DNAH12: variants seen among roughly 807,000 people sequenced by gnomAD.
DNAH12 encodes the protein dynein axonemal heavy chain 12, also known as axonemal beta dynein heavy chain 12.
In DNAH12, 285 loss-of-function variants were observed where a neutral mutation model predicts 371.5. The observed-to-expected ratio is 0.77, with a 90% CI of 0.70 to 0.85. The LOEUF (loss-of-function observed/expected upper bound fraction) is 0.85, where lower values mean the gene tolerates loss of function less well. Ranked by LOEUF, DNAH12 falls within the 40% of genes least tolerant of loss-of-function variation. The probability of loss-of-function intolerance (pLI) is 0.00; values close to 1 mark genes in which losing one functional copy is unlikely to be tolerated. For missense variants in DNAH12, 3,611 were observed against 3,689.4 expected, an observed-to-expected ratio of 0.98 and a Z score of 0.55; for synonymous variants, 1,200 against 1,213.0, an observed-to-expected ratio of 0.99 and a Z score of 0.22.
At chr3:57,391,044 C>T (rs1364009398) in intron 45 of DNAH12, among the ~76,000 whole-genome samples, 2 of 152,108 alleles carry the variant, frequency 1.3e-5, no homozygotes, top group African/African-American at 4.8e-5. Flanking sequence ...CCTCTCCCCA[C>T]CCTTCTCCTT....
At chr3:57,537,523 C>T (rs1406808933) in intron 2 of DNAH12, among the ~76,000 whole-genome samples, 1 of 152,106 alleles carries the variant, frequency 6.6e-6, no homozygotes. Flanking sequence ...ACAGACTTCA[C>T]TCCACCTTTG....
intron 60 of DNAH12, among the ~76,000 whole-genome samples, chr3:57,347,680 C>T (rs1253362386): frequency 2.0e-5 from 3 of 148,984 alleles, no homozygotes; most frequent in African/African-American, 7.4e-5. Flanking sequence ...GAGATAGAGC[C>T]ACTGCCACTC....
intron 68 of DNAH12, 119 bp downstream of exon 68, chr3:57,309,547 G>C: frequency 9.8e-7 from 1 of 1,023,366 alleles, no homozygotes; most frequent in Non-Finnish European, 1.3e-6. Flanking sequence ...GGAGGCTAAT[G>C]CTTAGAGAGG....
chr3:57,481,742 A>G (rs1316277091), intron 13 of DNAH12, among the ~76,000 whole-genome samples: 1 of 152,104 alleles, frequency 6.6e-6, no homozygotes. Context: ...AATGGAACAG[A>G]ACAGAGGCCT....
At chr3:57,362,147 A>G (rs2062951693) in intron 58 of DNAH12, among the ~76,000 whole-genome samples, 2 of 152,050 alleles carry the variant, frequency 1.3e-5, no homozygotes, top group African/African-American at 4.8e-5. Flanking sequence ...GTTTGCTCAG[A>G]ATGATGGTTT....
At chr3:57,471,635 G>A (rs1169838234) in intron 14 of DNAH12, 29 bp from the exon 15 acceptor site, 1 of 1,493,594 alleles carries the variant, frequency 6.7e-7, no homozygotes. Flanking sequence ...GATCATGTTA[G>A]TTAATCTGTA....
intron 59 of DNAH12, among the ~76,000 whole-genome samples, chr3:57,353,049 G>A (rs2062719903): frequency 1.3e-5 from 2 of 152,070 alleles, no homozygotes; most frequent in Admixed American, 1.3e-4. Context: ...TCACGTCACT[G>A]CACTCGAGCC....
intron 15 of DNAH12, among the ~76,000 whole-genome samples, 190 bp downstream of exon 15, chr3:57,471,282 C>T (rs1439309247): frequency 6.7e-6 from 1 of 149,896 alleles, no homozygotes; most frequent in Non-Finnish European, 1.5e-5. Context: ...TATTTAAATA[C>T]ATATTTATGT....
chr3:57,539,452 G>A (rs2153402721), intron 2 of DNAH12, among the ~76,000 whole-genome samples: 1 of 152,236 alleles, frequency 6.6e-6, no homozygotes, highest in South Asian at 2.1e-4. Context: ...GGGATTTCAT[G>A]CTTGCTATCC....
chr3:57,382,902 G>T (rs2063424549), intron 49 of DNAH12, among the ~76,000 whole-genome samples: 3 of 152,194 alleles, frequency 2.0e-5, no homozygotes, highest in Non-Finnish European at 4.4e-5. Flanking sequence ...TTCCTTGCAA[G>T]ATGCAAATGC....
intron 4 of DNAH12, among the ~76,000 whole-genome samples, chr3:57,513,110 C>T (rs2068056798): frequency 6.6e-6 from 1 of 151,522 alleles, no homozygotes; most frequent in South Asian, 2.1e-4. Flanking sequence ...TGCACTCCAG[C>T]CTGGCAACAG....
intron 65 of DNAH12, among the ~76,000 whole-genome samples, chr3:57,316,847 G>A (rs944299178): frequency 4.6e-5 from 7 of 152,098 alleles, no homozygotes; most frequent in African/African-American, 1.7e-4. Context: ...TAAGTTTCCC[G>A]AGGCTTCCCC....
At chr3:57,539,529 C>G (rs1159779246) in intron 2 of DNAH12, among the ~76,000 whole-genome samples, 1 of 152,112 alleles carries the variant, frequency 6.6e-6, no homozygotes, top group African/African-American at 2.4e-5. Context: ...CTGGATCTCT[C>G]CTTACATATT....
Position 57,294,846 on chromosome 3 carries a change from A to T in DNAH12, c.11692+679T>A, listed in dbSNP as rs553581637. ...TTTCCAAACTAAGGTCACGTTTCTC[A>T]TAGTTATAACTGAACCACATTCGTA... On this transcript the variant is annotated intron_variant, in intron 73 of 73. Transcript: ENST00000495027. Among the ~76,000 whole-genome samples the T allele has an allele frequency of 2.7e-4, 41 of 152,368 alleles. 1 individual carries two copies. In the South Asian group the frequency reaches 3.5e-3, roughly 13 times the overall value.
intron 62 of DNAH12, among the ~76,000 whole-genome samples, chr3:57,325,233 C>T (rs373221385): frequency 7.2e-5 from 11 of 152,344 alleles, no homozygotes; most frequent in African/African-American, 1.4e-4. Context: ...TCCCCCAGCA[C>T]GCAGCTGGAG....
At chr3:57,335,034 G>A in intron 60 of DNAH12, 94 bp from the exon 61 acceptor site, 1 of 1,309,760 alleles carries the variant, frequency 7.6e-7, no homozygotes, top group East Asian at 2.5e-5. Flanking sequence ...GAACAACTTA[G>A]ACTGTACTTA....
At chr3:57,304,201 A>AT (rs1256949021) in intron 69 of DNAH12, among the ~76,000 whole-genome samples, 3 of 152,074 alleles carry the variant, frequency 2.0e-5, no homozygotes, top group Non-Finnish European at 4.4e-5. Flanking sequence ...CACCCAGGTG[A>AT]TTAAAAGCTT....
chr3:57,323,464 C>T lies in DNAH12; in HGVS notation c.10129+5G>A. 6.5e-7 allele frequency: 1 copy of T among 1,541,202 alleles called. No homozygotes were observed. Among genetic ancestry groups the T allele is most frequent in the Non-Finnish European group, 8.7e-7 (1 of 1,143,980 alleles). ...TTCTTAAAAGTTTACAGTATATGCACTTACTGGCCATAGGATCTGCTCCTG... is the reference window on the plus strand; with the variant it reads ...TTCTTAAAAGTTTACAGTATATGCATTTACTGGCCATAGGATCTGCTCCTG... On this transcript the variant is annotated splice_donor_5th_base_variant and intron_variant, in intron 63 of 73. Coordinates refer to ENST00000495027, the MANE Select transcript of DNAH12 (RefSeq NM_001366028.2).
chr3:57,335,808 T>G (rs2062208963), intron 60 of DNAH12, among the ~76,000 whole-genome samples: 1 of 152,180 alleles, frequency 6.6e-6, no homozygotes, highest in African/African-American at 2.4e-5. Context: ...TCTAAGGGGC[T>G]GTAAACTGAA....
Sources: allele counts gnomAD v4.1 joint callset (sites outside exome capture counted in the v4.1 genomes callset), GRCh38; gene constraint gnomAD v4.1.1; transcripts MANE v1.5; gene names NCBI Gene and HGNC (gene_info 2026-07-23, HGNC 2026-07-21).